The following PLEKHM2 variants were observed in gnomAD, a reference collection of about 807,000 sequenced individuals.
PLEKHM2 encodes the protein pleckstrin homology and RUN domain containing M2.
A neutral mutation model predicts 116.3 loss-of-function variants in PLEKHM2; 77 were observed. That is an observed-to-expected ratio of 0.66 (90% confidence interval 0.55 to 0.80). PLEKHM2 has a LOEUF of 0.80. PLEKHM2 is among the 30% of genes least tolerant of loss of function. The pLI, the probability that PLEKHM2 is intolerant of heterozygous loss-of-function variation, is 0.00. For missense variants in PLEKHM2, 1,183 were observed against 1,354.9 expected (o/e 0.87, Z 1.99); for synonymous variants, 562 against 571.0 (o/e 0.98, Z 0.22).
chr1:15,701,473 T>C (rs993416672), intron 1 of PLEKHM2, among the ~76,000 whole-genome samples: 3 of 150,724 alleles, frequency 2.0e-5, no homozygotes, highest in Admixed American at 2.0e-4. Context: ...TTATTAGTCT[T>C]AGGAAGCTTG....
chr1:15,716,220 GTT>G lies in PLEKHM2; in HGVS notation c.61-9_61-8del. 7.2e-7 allele frequency: 1 copy of G among 1,383,164 alleles called. No individual in the cohort carries two copies. The highest frequency in any genetic ancestry group is 1.5e-5 in the African/African-American group (1 of 67,416). 85.7% of individuals were successfully genotyped at this position (1,383,164 alleles called of 1,614,324 possible). On this transcript the variant is annotated splice_polypyrimidine_tract_variant and intron_variant, in intron 1 of 19. Coordinates refer to ENST00000375799, the MANE Select transcript of PLEKHM2 (RefSeq NM_015164.4). ...CTTAATCCATTTCTGATTTGGAGGTGTTTTTTTTTCTTTCAGTTGCAGAGCTA... is the reference window on the plus strand; with the variant it reads ...CTTAATCCATTTCTGATTTGGAGGTGTTTTTTTCTTTCAGTTGCAGAGCTA...
At chr1:15,725,573 C>T in intron 8 of PLEKHM2, 28 bp downstream of exon 8, 5 of 1,503,420 alleles carry the variant, frequency 3.3e-6, no homozygotes, top group East Asian at 2.5e-5. Context: ...CAGAAAGGAG[C>T]TGAGGTCCTG....
intron 8 of PLEKHM2, among the ~76,000 whole-genome samples, chr1:15,726,263 T>C (rs1444551878): frequency 3.3e-5 from 5 of 152,180 alleles, no homozygotes; most frequent in Non-Finnish European, 7.3e-5. Context: ...GGGCAGGACA[T>C]GGAAAGGAAG....
At chr1:15,714,783 T>C (rs1448918888) in intron 1 of PLEKHM2, among the ~76,000 whole-genome samples, 1 of 152,238 alleles carries the variant, frequency 6.6e-6, no homozygotes, top group East Asian at 1.9e-4. Flanking sequence ...GCATCTGTGC[T>C]CTTGTCTTGT....
Position 15,727,447 on chromosome 1 carries a change from T to C in PLEKHM2, c.1375T>C (p.Ser459Pro). The C allele has an allele frequency of 1.2e-6, 2 of 1,605,696 alleles. No individual in the cohort carries two copies. The highest frequency in any genetic ancestry group is 1.7e-6 in the Non-Finnish European group (2 of 1,176,782). ...GCTTTGCGACTTTAGTGAGGGGCTT[T>C]CAGCCCCAATGGACTTCTACCGCTT... is the stretch of plus-strand genomic sequence containing the variant. ...PPLCDFSEGLSAPMDFYRFTV... is the reference protein window; with the variant it reads ...PPLCDFSEGLPAPMDFYRFTV... The change falls in exon 9 of 20, where the codon TCA (serine) becomes CCA (proline). Residue 459 changes from serine to proline, a missense_variant. Transcript: ENST00000375799. The surrounding 1 kb of genome is among the most constrained non-coding windows in gnomAD (Gnocchi z 7.5).
At chr1:15,696,475 C>T (rs1435476985) in intron 1 of PLEKHM2, among the ~76,000 whole-genome samples, 63 of 152,222 alleles carry the variant, frequency 4.1e-4, no homozygotes, top group Non-Finnish European at 8.8e-5. Flanking sequence ...CTCAGCCTCC[C>T]GAGTAGCTGG....
At chr1:15,714,613 A>G (rs1300530691) in intron 1 of PLEKHM2, among the ~76,000 whole-genome samples, 5 of 152,136 alleles carry the variant, frequency 3.3e-5, no homozygotes, top group Admixed American at 2.0e-4. Flanking sequence ...AAGAGAGGCT[A>G]TTTTTGTTGT....
intron 1 of PLEKHM2, among the ~76,000 whole-genome samples, chr1:15,688,523 G>A (rs537894001): frequency 5.6e-4 from 85 of 151,956 alleles, no homozygotes; most frequent in African/African-American, 1.7e-3. Context: ...GTGGTGGCGC[G>A]TGCCTGTAGT....
intron 1 of PLEKHM2, among the ~76,000 whole-genome samples, chr1:15,708,959 C>T (rs1334426813): frequency 2.6e-5 from 4 of 152,154 alleles, no homozygotes; most frequent in Non-Finnish European, 5.9e-5. Flanking sequence ...CATTATGAAC[C>T]CTCATGGCAA....
intron 1 of PLEKHM2, among the ~76,000 whole-genome samples, chr1:15,709,145 CAG>C (rs1391282925): frequency 1.3e-5 from 2 of 152,172 alleles, no homozygotes; most frequent in Non-Finnish European, 2.9e-5. Context: ...TCCTGATGCA[CAG>C]AGTGTGCACT....
At chr1:15,714,587 GT>G (rs1191869616) in intron 1 of PLEKHM2, among the ~76,000 whole-genome samples, 1 of 152,210 alleles carries the variant, frequency 6.6e-6, no homozygotes, top group African/African-American at 2.4e-5. Context: ...TGCCAGGCTT[GT>G]TCCGGGCTGC....
In PLEKHM2 at chr1:15,731,177, G is replaced by A. The variant is rs1438852038; in HGVS notation, c.2400-15G>A. On this transcript the variant is annotated splice_polypyrimidine_tract_variant and intron_variant, in intron 15 of 19. Transcript: ENST00000375799. ...CTGGGACAGGCCTCACTCGCCCTGT[G>A]TTGTGCCCCTGCAGCAACGGGATCC... The A allele has an allele frequency of 1.9e-6, 3 of 1,585,144 alleles. No individual in the cohort carries two copies. Among genetic ancestry groups the A allele is most frequent in the East Asian group, 4.6e-5 (2 of 43,474 alleles).
At chr1:15,718,517 G>A (rs954224742) in intron 4 of PLEKHM2, 21 bp from the exon 5 acceptor site, 29 of 1,478,424 alleles carry the variant, frequency 2.0e-5, no homozygotes, top group African/African-American at 1.5e-4. Context: ...AGGCACCATC[G>A]TGGCTTCTCA....
At chr1:15,732,105 A>G in intron 17 of PLEKHM2, 57 bp downstream of exon 17, 3 of 1,515,126 alleles carry the variant, frequency 2.0e-6, no homozygotes, top group Non-Finnish European at 2.7e-6. Flanking sequence ...CCAGACCCCC[A>G]GGGTCCCATC....
chr1:15,729,628 A>T lies in PLEKHM2; in HGVS notation c.2076-169A>T, dbSNP rs921345671. On this transcript the variant is annotated intron_variant, in intron 13 of 19. Transcript: ENST00000375799. The surrounding 1 kb of genome is among the most constrained non-coding windows in gnomAD (Gnocchi z 4.7). ...GGCCTGTTCCAGTTGTCATTTGATG[A>T]CCTTGGACCTGCGTCATTGCCGCAC... Among the ~76,000 whole-genome samples the T allele has an allele frequency of 1.3e-5, 2 of 151,988 alleles. No individual in the cohort carries two copies. The highest frequency in any genetic ancestry group is 2.4e-5 in the African/African-American group (1 of 41,358).
chr1:15,700,461 CCT>C (rs1428766672), intron 1 of PLEKHM2, among the ~76,000 whole-genome samples: 1 of 152,110 alleles, frequency 6.6e-6, no homozygotes, highest in Non-Finnish European at 1.5e-5. Context: ...AGGAAGTGCC[CCT>C]GTCTCCCTGG....
intron 1 of PLEKHM2, among the ~76,000 whole-genome samples, chr1:15,700,706 G>C (rs1571029864): frequency 6.6e-6 from 1 of 152,144 alleles, no homozygotes; most frequent in Non-Finnish European, 1.5e-5. Flanking sequence ...TCTGCTCTTC[G>C]ATAATGAAAT....
intron 1 of PLEKHM2, 79 bp downstream of exon 1, chr1:15,684,697 G>GGCGACCCTGCTGCCACAGGGACTC: frequency 1.3e-6 from 1 of 795,234 alleles, no homozygotes; most frequent in Non-Finnish European, 1.7e-6. Context: ...CTCCCGGGCC[G>GGCGACCCTGCTGCCACAGGGACTC]GGGCCCCCCG....
Position 15,721,198 on chromosome 1 carries a change from A to G in PLEKHM2, c.653-131A>G, listed in dbSNP as rs943351202. 5 of 664,160 alleles carry G rather than the reference A, an allele frequency of 7.5e-6. No homozygotes were observed. The African/African-American group carries it at 8.9e-5, about 12-fold the overall frequency. 41.1% of individuals were successfully genotyped at this position (664,160 alleles called of 1,614,324 possible). On this transcript the variant is annotated intron_variant, in intron 6 of 19. Coordinates refer to ENST00000375799, the MANE Select transcript of PLEKHM2 (RefSeq NM_015164.4). The surrounding 1 kb of genome is among the most constrained non-coding windows in gnomAD (Gnocchi z 5.1). The stretch of plus-strand genomic sequence containing the variant: ...AAGTTTCCCCAAGGTTGTTGGATAC[A>G]ATGTAGAAAGTTGAAGTTTTCCTCT...
Sources: allele counts gnomAD v4.1 joint callset (sites outside exome capture counted in the v4.1 genomes callset), GRCh38; gene constraint gnomAD v4.1.1; non-coding constraint Gnocchi (gnomAD v3.1); transcripts MANE v1.5; gene names NCBI Gene and HGNC (gene_info 2026-07-23, HGNC 2026-07-21).